Variants in NDUFAF6 observed in about 807,000 individuals in gnomAD.
The protein encoded by NDUFAF6 is NADH dehydrogenase (ubiquinone) complex I, assembly factor 6.
Under a neutral mutation model 40.8 loss-of-function variants are expected in NDUFAF6, and 45 were observed. The ratio of observed to expected loss-of-function variants is 1.10; its 90% CI spans 0.87 to 1.42. NDUFAF6 has a LOEUF of 1.42. NDUFAF6 is among the 40% of genes most tolerant of loss of function. The probability of loss-of-function intolerance (pLI) is 0.00; values close to 1 mark genes in which losing one functional copy is unlikely to be tolerated. For synonymous variants in NDUFAF6, 185 were observed against 155.9 expected, an observed-to-expected ratio of 1.19 and a Z score of -1.39; for missense variants, 435 against 418.5, an observed-to-expected ratio of 1.04 and a Z score of -0.34.
At chr8:95,020,765 G>A (rs1309144223), upstream of NDUFAF6, among the ~76,000 whole-genome samples, 1 of 152,224 alleles carries the variant, frequency 6.6e-6, no homozygotes, top group Admixed American at 6.5e-5. Context: ...TGGCAGTCTG[G>A]GAAGAGGGCC....
intron 5 of NDUFAF6, 42 bp from the exon 6 acceptor site, chr8:95,046,952 C>T: frequency 6.2e-7 from 1 of 1,611,770 alleles, no homozygotes; most frequent in Non-Finnish European, 8.5e-7. Context: ...ATTTATTATG[C>T]ACTTAGAATA....
At chr8:94,935,274 C>A (rs1230706785) in intron 1 of NDUFAF6, among the ~76,000 whole-genome samples, 1 of 152,184 alleles carries the variant, frequency 6.6e-6, no homozygotes. Context: ...CCTGGACCCT[C>A]AACCTAAGAG....
intron 1 of NDUFAF6, among the ~76,000 whole-genome samples, chr8:94,920,780 C>A (rs1819447152): frequency 1.3e-5 from 2 of 152,234 alleles, no homozygotes. Context: ...GCCAGCCATT[C>A]TCTATGAGCA....
chr8:94,970,781 A>G (rs1824402833), intron 1 of NDUFAF6, among the ~76,000 whole-genome samples: 1 of 152,232 alleles, frequency 6.6e-6, no homozygotes. Flanking sequence ...TAAATTGTAT[A>G]TACCTTTTCT....
At chr8:95,036,734 T>C (rs879569016) in intron 3 of NDUFAF6, among the ~76,000 whole-genome samples, 9 of 152,248 alleles carry the variant, frequency 5.9e-5, no homozygotes, top group Admixed American at 5.9e-4. Context: ...TTTCCTTGGC[T>C]TCCCTTAAAA....
intron 1 of NDUFAF6, among the ~76,000 whole-genome samples, chr8:94,942,610 A>C (rs888312545): frequency 2.0e-5 from 3 of 152,354 alleles, no homozygotes; most frequent in African/African-American, 7.2e-5. Context: ...AGCACCTGTT[A>C]TGCATCAGGT....
intron 1 of NDUFAF6, among the ~76,000 whole-genome samples, chr8:94,945,056 C>T (rs796556879): frequency 2.0e-5 from 3 of 152,142 alleles, no homozygotes; most frequent in Admixed American, 6.5e-5. Flanking sequence ...CTAGTATCAT[C>T]GAGAAACTGC....
At chr8:94,992,946 A>G (rs1826258918) in intron 2 of NDUFAF6, among the ~76,000 whole-genome samples, 1 of 152,206 alleles carries the variant, frequency 6.6e-6, no homozygotes, top group Non-Finnish European at 1.5e-5. Flanking sequence ...TGGTTGAGAC[A>G]ATTCCTCCTG....
chr8:94,948,739 G>T (rs1212901157), intron 2 of NDUFAF6, among the ~76,000 whole-genome samples: 1 of 152,174 alleles, frequency 6.6e-6, no homozygotes, highest in Non-Finnish European at 1.5e-5. Flanking sequence ...CCATCCAACG[G>T]CCGAGAGCAG....
At position 95,058,386 on chromosome 8, in the gene NDUFAF6, C is replaced by A; in HGVS notation, c.*449C>A. 8.1e-7 allele frequency: 1 copy of A among 1,233,424 alleles called. No homozygotes were observed. Among genetic ancestry groups the A allele is most frequent in the South Asian group, 4.1e-5 (1 of 24,520 alleles). 76.4% of individuals were successfully genotyped at this position (1,233,424 alleles called of 1,614,324 possible). A position where few individuals can be genotyped will look rare whatever the true frequency, so the allele number is the denominator to read the frequency against. ...CTGGAAGATGCATTTATTTAGGGGTCACAAATAGTGAAATTAATATTTGAG... is the reference window on the plus strand; with the variant it reads ...CTGGAAGATGCATTTATTTAGGGGTAACAAATAGTGAAATTAATATTTGAG... On this transcript the variant is annotated 3_prime_UTR_variant, in exon 9 of 9. Coordinates refer to ENST00000396124, the MANE Select transcript of NDUFAF6 (RefSeq NM_152416.4).
At chr8:94,981,048 G>A in intron 2 of NDUFAF6, 1 of 450,358 alleles carries the variant, frequency 2.2e-6, no homozygotes, top group Non-Finnish European at 4.5e-6. Context: ...GTATTACCAT[G>A]GTTTTAATAT....
chr8:95,103,248 G>A (rs7833057), exon 3 of NDUFAF6: 41,001 of 152,008 alleles, frequency 0.27, 6,998 homozygotes, highest in African/African-American at 0.48. Flanking sequence ...GAAATTCCAA[G>A]GAAAATCAAC....
At chr8:95,052,335 T>A in intron 8 of NDUFAF6, 105 bp downstream of exon 8, 2 of 1,240,484 alleles carry the variant, frequency 1.6e-6, no homozygotes, top group South Asian at 1.3e-5. Flanking sequence ...TTCGGAGCCT[T>A]TGTTTTTGTT....
chr8:94,902,905 T>C (rs1475520518), intron 1 of NDUFAF6, among the ~76,000 whole-genome samples: 2 of 152,046 alleles, frequency 1.3e-5, no homozygotes, highest in Non-Finnish European at 2.9e-5. Context: ...CGTTTCACCA[T>C]GTTGGCCAGG....
chr8:94,918,293 A>G (rs1819271444), intron 1 of NDUFAF6, among the ~76,000 whole-genome samples: 1 of 152,156 alleles, frequency 6.6e-6, no homozygotes, highest in African/African-American at 2.4e-5. Context: ...GGTTTGAAGC[A>G]GAGAACCCTG....
intron 2 of NDUFAF6, among the ~76,000 whole-genome samples, chr8:95,016,750 A>G (rs1827466380): frequency 6.6e-6 from 1 of 152,164 alleles, no homozygotes; most frequent in East Asian, 1.9e-4. Context: ...CAAAAAAACA[A>G]AAAGCAAAAA....
intron 2 of NDUFAF6, among the ~76,000 whole-genome samples, chr8:94,951,786 A>T (rs971516936): frequency 2.0e-5 from 3 of 152,232 alleles, no homozygotes; most frequent in Non-Finnish European, 2.9e-5. Context: ...TCTGGGGTGG[A>T]TCACTCCCAC....
At chr8:95,071,390 T>C (rs1587232258) in intron 9 of NDUFAF6, among the ~76,000 whole-genome samples, 3 of 112,218 alleles carry the variant, frequency 2.7e-5, no homozygotes, top group East Asian at 2.7e-4. Flanking sequence ...AGAGCGAGAC[T>C]CCGTCTCCAA....
intron 1 of NDUFAF6, chr8:94,930,532 T>C (rs774428478): frequency 5.6e-6 from 9 of 1,614,244 alleles, no homozygotes; most frequent in Non-Finnish European, 7.6e-6. Flanking sequence ...CCATTGTGCT[T>C]GACTTGCCGA....
Sources: allele counts gnomAD v4.1 joint callset (sites outside exome capture counted in the v4.1 genomes callset), GRCh38; gene constraint gnomAD v4.1.1; transcripts MANE v1.5; gene names NCBI Gene and HGNC (gene_info 2026-07-23, HGNC 2026-07-21).